The following GRIA3 variants were observed in gnomAD, a reference collection of about 807,000 sequenced individuals.
GRIA3 encodes glutamate receptor 3.
Under a neutral mutation model 63.0 loss-of-function variants are expected in GRIA3, and 3 were observed. That is an observed-to-expected ratio of 0.05 (90% CI 0.02 to 0.12). GRIA3 has a LOEUF of 0.12. Ranked by LOEUF, GRIA3 falls within the 10% of genes least tolerant of loss-of-function variation. The pLI is 1.00. For synonymous variants in GRIA3, 274 were observed against 257.9 expected, an observed-to-expected ratio of 1.06 and a Z score of -0.60; for missense variants, 347 against 700.9, an observed-to-expected ratio of 0.50 and a Z score of 5.70.
At chrX:123,387,134 T>C (rs1314939451) in intron 5 of GRIA3, among the ~76,000 whole-genome samples, 2 of 111,646 alleles carry the variant, frequency 1.8e-5, no homozygotes, top group Non-Finnish European at 3.8e-5. Context: ...ATACCTTTCA[T>C]CAGAGATTTC....
intron 3 of GRIA3, among the ~76,000 whole-genome samples, chrX:123,293,829 C>G (rs954639588): frequency 1.8e-5 from 2 of 110,260 alleles, no homozygotes; most frequent in African/African-American, 6.6e-5. Flanking sequence ...CACAATAATC[C>G]CATGAAGTAG....
At chrX:123,398,184 A>C (rs2147380675) in intron 6 of GRIA3, among the ~76,000 whole-genome samples, 1 of 111,994 alleles carries the variant, frequency 8.9e-6, no homozygotes, top group African/African-American at 3.2e-5. Context: ...CCTCCAAATT[A>C]ATTTCAAGCT....
At chrX:123,264,645 G>A (rs764447530) in intron 3 of GRIA3, among the ~76,000 whole-genome samples, 1 of 112,032 alleles carries the variant, frequency 8.9e-6, no homozygotes, top group African/African-American at 3.2e-5. Context: ...TATTTTGGCA[G>A]CCTTGAGTCT....
intron 3 of GRIA3, among the ~76,000 whole-genome samples, chrX:123,307,803 C>A (rs2044764621): frequency 9.0e-6 from 1 of 111,142 alleles, no homozygotes; most frequent in South Asian, 4.0e-4. Flanking sequence ...GGCTACAGAC[C>A]TTTGTGAGCC....
rs775540855 is a variant in GRIA3 at position 123,253,458 on chromosome X, C to T, written c.424C>T (p.Arg142Cys). The change falls in exon 3 of 16, where the codon CGC becomes TGC. Residue 142 changes from arginine to cysteine, a missense_variant. Arg to Cys is a radical substitution (Grantham distance 180, BLOSUM62 -3). Coordinates refer to ENST00000620443, the MANE Select transcript of GRIA3 (RefSeq NM_007325.5). ...AGATGTGCAGTTTGTCATCCAGATG[C>T]GCCCAGCCTTGAAGGGCGCTATTCT... is the stretch of plus-strand genomic sequence containing the variant. ...DADVQFVIQM[R>C]PALKGAILSL... The T allele has an allele frequency of 8.3e-6, 10 of 1,207,504 alleles. No individual in the cohort carries two copies. Among genetic ancestry groups the T allele is most frequent in the South Asian group, 3.5e-5 (2 of 56,721 alleles).
chrX:123,211,819 G>A (rs1238399062), intron 2 of GRIA3, among the ~76,000 whole-genome samples: 4 of 110,982 alleles, frequency 3.6e-5, no homozygotes, highest in Admixed American at 2.9e-4. Context: ...CTCTTTCTTC[G>A]TCTCCTTCTC....
intron 12 of GRIA3, among the ~76,000 whole-genome samples, chrX:123,462,769 T>G (rs1001464240): frequency 9.0e-6 from 1 of 111,551 alleles, no homozygotes; most frequent in South Asian, 3.8e-4. Flanking sequence ...TCAAGAAAGT[T>G]GGGGTGGGGG....
chrX:123,418,323 T>C (rs1206534949), intron 11 of GRIA3, among the ~76,000 whole-genome samples: 1 of 111,609 alleles, frequency 9.0e-6, no homozygotes, highest in Admixed American at 9.5e-5. Flanking sequence ...AAAGAAAACA[T>C]AGGAGAATAT....
At chrX:123,345,254 A>T (rs777978556) in intron 4 of GRIA3, among the ~76,000 whole-genome samples, 18 of 111,234 alleles carry the variant, frequency 1.6e-4, no homozygotes, top group Non-Finnish European at 2.6e-4. Flanking sequence ...CAAGACGCCT[A>T]GGCAATGTTC....
chrX:123,205,647 G>A (rs760185967), intron 2 of GRIA3, among the ~76,000 whole-genome samples: 1 of 111,696 alleles, frequency 9.0e-6, no homozygotes, highest in Non-Finnish European at 1.9e-5. Flanking sequence ...ATTCAGGTAG[G>A]GGCAAATAGA....
chrX:123,415,513 T>C (rs1186046394), intron 10 of GRIA3, among the ~76,000 whole-genome samples: 1 of 111,444 alleles, frequency 9.0e-6, no homozygotes, highest in East Asian at 2.8e-4. Context: ...ATGGCTTCCA[T>C]CTTCTCAGTA....
chrX:123,266,278 G>T (rs964733490), intron 3 of GRIA3, among the ~76,000 whole-genome samples: 15 of 111,441 alleles, frequency 1.3e-4, no homozygotes, highest in African/African-American at 4.6e-4. Context: ...CCATAGTTTG[G>T]TTTCCCTCTA....
intron 6 of GRIA3, 152 bp from the exon 7 acceptor site, chrX:123,398,484 C>T (rs1476269054): frequency 4.2e-6 from 2 of 479,847 alleles, no homozygotes; most frequent in East Asian, 3.8e-5. Flanking sequence ...TAGAATGAAT[C>T]GAATTCAGGC....
intron 3 of GRIA3, among the ~76,000 whole-genome samples, chrX:123,318,635 A>T (rs771872820): frequency 8.9e-6 from 1 of 111,841 alleles, no homozygotes; most frequent in East Asian, 2.8e-4. Flanking sequence ...AGACCACCTC[A>T]GCCTGGACCT....
chrX:123,413,532 CAAAAAAAAAAAAAAAAAAAAAAAAA>C (rs570201736), intron 10 of GRIA3, among the ~76,000 whole-genome samples: 4 of 15,881 alleles, frequency 2.5e-4, no homozygotes, highest in Admixed American at 2.5e-3. Flanking sequence ...CTCTCTCTGC[CAAAAAAAAAAAAAAAAAAAAAAAAA>C]AAAAAAAAAA....
intron 5 of GRIA3, among the ~76,000 whole-genome samples, chrX:123,372,810 C>A (rs1192846631): frequency 9.0e-6 from 1 of 110,819 alleles, no homozygotes; most frequent in Non-Finnish European, 1.9e-5. Flanking sequence ...ATCATATCAT[C>A]TACAAAGATA....
intron 10 of GRIA3, among the ~76,000 whole-genome samples, chrX:123,406,946 T>G (rs976560694): frequency 1.8e-5 from 2 of 111,803 alleles, no homozygotes; most frequent in Admixed American, 9.5e-5. Context: ...CACTTAGGCT[T>G]CAAGAGGTCT....
intron 2 of GRIA3, among the ~76,000 whole-genome samples, chrX:123,193,783 C>A (rs976108805): frequency 4.5e-5 from 5 of 111,811 alleles, no homozygotes; most frequent in Non-Finnish European, 9.4e-5. Flanking sequence ...TAAATTAAAT[C>A]CTTATCAGTC....
intron 12 of GRIA3, among the ~76,000 whole-genome samples, chrX:123,457,260 G>T (rs769452163): frequency 9.0e-6 from 1 of 111,174 alleles, no homozygotes; most frequent in South Asian, 3.9e-4. Flanking sequence ...TTGCTCAGGG[G>T]TAACAGAAGC....
Sources: allele counts gnomAD v4.1 joint callset (sites outside exome capture counted in the v4.1 genomes callset), GRCh38; gene constraint gnomAD v4.1.1; transcripts MANE v1.5; gene names NCBI Gene and HGNC (gene_info 2026-07-23, HGNC 2026-07-21).